The following ERBB4 variants were observed in gnomAD, a reference collection of about 807,000 sequenced individuals.
The protein encoded by ERBB4 is erb-b2 receptor tyrosine kinase 4.
A neutral mutation model predicts 158.0 loss-of-function variants in ERBB4; 42 were observed. The observed-to-expected ratio is 0.27, with a 90% CI of 0.21 to 0.34. The LOEUF is 0.34. Ranked by LOEUF, ERBB4 falls within the 10% of genes least tolerant of loss-of-function variation. The probability of loss-of-function intolerance (pLI) is 1.00; values close to 1 mark genes in which losing one functional copy is unlikely to be tolerated. For synonymous variants in ERBB4, 583 were observed against 558.7 expected (o/e 1.04, Z -0.61); for missense variants, 1,333 against 1,624.1 (o/e 0.82, Z 3.08).
At chr2:211,402,072 G>T (rs2063055243) in intron 25 of ERBB4, among the ~76,000 whole-genome samples, 1 of 151,860 alleles carries the variant, frequency 6.6e-6, no homozygotes, top group African/African-American at 2.4e-5. Flanking sequence ...ACAAAGAAGA[G>T]AATGCTTATC....
At chr2:211,392,534 C>T (rs999378599) in intron 25 of ERBB4, among the ~76,000 whole-genome samples, 2 of 146,296 alleles carry the variant, frequency 1.4e-5, no homozygotes, top group African/African-American at 2.5e-5. Flanking sequence ...TGGGACTCTA[C>T]TTTTTTGAAA....
At chr2:212,150,663 C>G (rs1035113853) in intron 1 of ERBB4, among the ~76,000 whole-genome samples, 9 of 152,102 alleles carry the variant, frequency 5.9e-5, no homozygotes, top group African/African-American at 2.2e-4. Flanking sequence ...AGACTCTCAC[C>G]TTTTAAGATT....
chr2:212,369,344 A>G (rs1293855799), intron 1 of ERBB4, among the ~76,000 whole-genome samples: 4 of 152,142 alleles, frequency 2.6e-5, no homozygotes, highest in African/African-American at 9.7e-5. Context: ...TACTTATGTT[A>G]TCTACCTGAC....
chr2:211,788,332 G>C (rs1483150253), intron 3 of ERBB4, among the ~76,000 whole-genome samples, 173 bp from the exon 4 acceptor site: 1 of 151,942 alleles, frequency 6.6e-6, no homozygotes. Flanking sequence ...TTGATTACAG[G>C]AATTTGAAAA....
At chr2:211,879,011 A>T (rs1472776207) in intron 3 of ERBB4, among the ~76,000 whole-genome samples, 1 of 152,124 alleles carries the variant, frequency 6.6e-6, no homozygotes, top group African/African-American at 2.4e-5. Flanking sequence ...CTAACCCTCT[A>T]GGAGAAAGGA....
chr2:211,880,268 G>A (rs1278440698), intron 3 of ERBB4, among the ~76,000 whole-genome samples: 6 of 151,982 alleles, frequency 3.9e-5, no homozygotes, highest in South Asian at 2.1e-4. Context: ...CTTGTCTTAC[G>A]CTAGATCTTC....
chr2:211,536,924 A>AAAAAC (rs572841200), intron 20 of ERBB4, among the ~76,000 whole-genome samples: 2 of 151,990 alleles, frequency 1.3e-5, no homozygotes, highest in Middle Eastern at 3.4e-3. Context: ...TAGAGCAGGA[A>AAAAAC]AAAACAAAAC....
intron 1 of ERBB4, among the ~76,000 whole-genome samples, chr2:212,442,334 TGAAGGGGAGGCTGGGTCCCTTTGAG>T (rs1292379239): frequency 6.6e-6 from 1 of 152,160 alleles, no homozygotes; most frequent in East Asian, 1.9e-4. Flanking sequence ...ACCCCTTGAA[TGAAGGGGAGGCTGGGTCCCTTTGAG>T]GAAGGACCCC....
At chr2:211,637,310 T>A (rs1197528900) in intron 16 of ERBB4, among the ~76,000 whole-genome samples, 2 of 151,958 alleles carry the variant, frequency 1.3e-5, no homozygotes, top group African/African-American at 4.8e-5. Context: ...CATTCACAAT[T>A]ACCAACTGAG....
chr2:211,944,335 A>G (rs2080619418), intron 3 of ERBB4, among the ~76,000 whole-genome samples: 2 of 151,152 alleles, frequency 1.3e-5, no homozygotes, highest in South Asian at 4.2e-4. Flanking sequence ...GAAAGTACTT[A>G]AAAATAAAAT....
intron 18 of ERBB4, 25 bp downstream of exon 18, chr2:211,623,897 A>G (rs758607238): frequency 6.2e-7 from 1 of 1,612,794 alleles, no homozygotes; most frequent in Admixed American, 1.7e-5. Context: ...AACTTAACTA[A>G]CGATATGCGT....
intron 19 of ERBB4, among the ~76,000 whole-genome samples, chr2:211,571,487 C>G (rs2067728494): frequency 6.6e-6 from 1 of 152,088 alleles, no homozygotes; most frequent in Non-Finnish European, 1.5e-5. Context: ...CCCTTCCAAA[C>G]ATGAGAATTA....
chr2:211,757,919 T>C (rs909039032), intron 4 of ERBB4, among the ~76,000 whole-genome samples: 6 of 152,176 alleles, frequency 3.9e-5, no homozygotes, highest in Admixed American at 1.3e-4. Context: ...GTGCCATTTT[T>C]CAAAATCTCT....
chr2:211,813,010 G>A (rs757065831), intron 3 of ERBB4, among the ~76,000 whole-genome samples: 2 of 152,214 alleles, frequency 1.3e-5, no homozygotes, highest in Non-Finnish European at 2.9e-5. Flanking sequence ...CGGGTGAGGT[G>A]ATGTCCCGCC....
chr2:211,912,910 C>T (rs187289077), intron 3 of ERBB4, among the ~76,000 whole-genome samples: 139 of 152,276 alleles, frequency 9.1e-4, no homozygotes, highest in African/African-American at 3.2e-3. Context: ...TATAGCACAG[C>T]CACTTTTGAC....
At chr2:212,003,996 C>T (rs1203766055) in intron 2 of ERBB4, among the ~76,000 whole-genome samples, 1 of 152,112 alleles carries the variant, frequency 6.6e-6, no homozygotes, top group African/African-American at 2.4e-5. Flanking sequence ...GCAGGTCTTC[C>T]ATAAGTACTT....
chr2:212,264,293 A>C (rs924409426), intron 1 of ERBB4, among the ~76,000 whole-genome samples: 1 of 152,132 alleles, frequency 6.6e-6, no homozygotes, highest in Admixed American at 6.6e-5. Flanking sequence ...CTCGTTGGTC[A>C]TATTTAACCG....
At chr2:211,617,761 G>A (rs2069445560) in intron 19 of ERBB4, among the ~76,000 whole-genome samples, 1 of 152,006 alleles carries the variant, frequency 6.6e-6, no homozygotes, top group African/African-American at 2.4e-5. Flanking sequence ...AAGAGAAACT[G>A]GATAGAGATA....
chr2:211,992,737 C>G (rs776424633), intron 2 of ERBB4, among the ~76,000 whole-genome samples: 1 of 152,146 alleles, frequency 6.6e-6, no homozygotes, highest in East Asian at 1.9e-4. Context: ...CCTCTTTACT[C>G]GGATACCAGG....
Sources: gnomAD v4.1 joint callset for allele counts (sites outside exome capture counted in the v4.1 genomes callset) on GRCh38, gnomAD v4.1.1 for gene constraint, MANE v1.5 for transcripts, NCBI Gene and HGNC (gene_info 2026-07-23, HGNC 2026-07-21) for gene names.